Variants in KALRN observed in about 807,000 individuals in gnomAD.
KALRN encodes the protein kalirin.
Under a neutral mutation model 353.7 loss-of-function variants are expected in KALRN, and 70 were observed. The ratio of observed to expected loss-of-function variants is 0.20; its 90% confidence interval spans 0.16 to 0.24. The LOEUF (loss-of-function observed/expected upper bound fraction) is 0.24. Ranked by LOEUF, KALRN falls within the 10% of genes least tolerant of loss-of-function variation. The pLI is 1.00. For synonymous variants in KALRN, 1,391 were observed against 1,434.8 expected (o/e 0.97, Z 0.69); for missense variants, 2,791 against 3,756.7 (o/e 0.74, Z 6.72).
chr3:124,034,358 G>A lies in KALRN; in HGVS notation c.73+545G>A, dbSNP rs375698353. On this transcript the variant is annotated intron_variant, in intron 1 of 59. Coordinates refer to ENST00000682506, the MANE Select transcript of KALRN (RefSeq NM_001388419.1). ...CATCGGTCTCGCCTGGTGCGTGTGG[G>A]GAGCTGGTCCCTCTGACTTGAGAGG... is the stretch of plus-strand genomic sequence containing the variant. 3.9e-5 allele frequency among the ~76,000 whole-genome samples: 6 copies of A among 152,316 alleles called. No individual in the cohort carries two copies. The East Asian group carries it at 1.2e-3, about 29-fold the overall frequency.
chr3:124,312,224 G>A (rs1450700426), intron 6 of KALRN, among the ~76,000 whole-genome samples: 7 of 152,116 alleles, frequency 4.6e-5, no homozygotes, highest in African/African-American at 1.4e-4. Flanking sequence ...GCAGTGGGGC[G>A]ATCTCGGCTC....
chr3:124,438,820 C>T, intron 17 of KALRN, 68 bp from the exon 18 acceptor site: 1 of 1,436,616 alleles, frequency 7.0e-7, no homozygotes, highest in African/African-American at 1.4e-5. Context: ...CTTCTATAGG[C>T]TGAAGGTCCT....
chr3:124,332,765 T>G (rs1038128652), intron 8 of KALRN, among the ~76,000 whole-genome samples: 4 of 152,124 alleles, frequency 2.6e-5, no homozygotes, highest in African/African-American at 9.7e-5. Flanking sequence ...CTGCATGTTC[T>G]AGAAAAATGA....
chr3:124,163,298 A>G (rs184268439), intron 1 of KALRN: 29 of 152,404 alleles, frequency 1.9e-4, no homozygotes, highest in African/African-American at 6.5e-4. Context: ...TTTCCAACAG[A>G]TGGCTGGTCA....
intron 6 of KALRN, among the ~76,000 whole-genome samples, chr3:124,320,896 A>G (rs1358231997): frequency 6.6e-6 from 1 of 152,252 alleles, no homozygotes; most frequent in Admixed American, 6.5e-5. Flanking sequence ...TGGCTAGGGC[A>G]GCATTAACAG....
intron 34 of KALRN, among the ~76,000 whole-genome samples, chr3:124,630,332 A>G (rs2080618744): frequency 6.6e-6 from 1 of 152,118 alleles, no homozygotes; most frequent in African/African-American, 2.4e-5. Flanking sequence ...CCCCATATTC[A>G]GAGGGAGCCT....
At chr3:124,686,710 C>T (rs2061573424) in intron 51 of KALRN, among the ~76,000 whole-genome samples, 1 of 151,558 alleles carries the variant, frequency 6.6e-6, no homozygotes, top group African/African-American at 2.4e-5. Context: ...TCCATGGACT[C>T]CAAGGAACAG....
chr3:124,483,260 G>T (rs9830208), intron 28 of KALRN, among the ~76,000 whole-genome samples: 40,291 of 152,022 alleles, frequency 0.27, 6,454 homozygotes, highest in East Asian at 0.48. Context: ...AAATCAAGAG[G>T]CAGAGTCTTG....
At chr3:124,509,893 G>T (rs181013868) in intron 33 of KALRN, among the ~76,000 whole-genome samples, 3 of 152,194 alleles carry the variant, frequency 2.0e-5, no homozygotes. Flanking sequence ...TCAACCCAAA[G>T]GATATTAGAA....
chr3:124,036,130 C>T (rs935315431), intron 1 of KALRN, among the ~76,000 whole-genome samples: 2 of 152,092 alleles, frequency 1.3e-5, no homozygotes, highest in Non-Finnish European at 2.9e-5. Flanking sequence ...CTGTGTGTCA[C>T]AGGGGTTTCG....
chr3:124,187,027 G>A, intron 1 of KALRN, among the ~76,000 whole-genome samples: 1 of 152,166 alleles, frequency 6.6e-6, no homozygotes, highest in Middle Eastern at 3.2e-3. Context: ...GGGATATCTT[G>A]CTGAAAGACA....
Position 124,678,237 on chromosome 3 carries a change from T to C in KALRN, c.7241T>C (p.Val2414Ala). The C allele has an allele frequency of 1.9e-6, 3 of 1,614,080 alleles. No homozygotes were observed. Among genetic ancestry groups the C allele is most frequent in the Non-Finnish European group, 1.7e-6 (2 of 1,179,964 alleles). ...HTLRMRKRAE[V>A]ENTGKNEATG... ...CTACGCATGAGAAAGCGGGCGGAAG[T>C]GGAGAACACGGGTAAAAATGAAGCC... The change falls in exon 50 of 60, where the codon GTG becomes GCG. Residue 2414 changes from valine to alanine, a missense_variant. Physicochemically the swap from Val to Ala is moderately conservative, Grantham distance 64. Coordinates refer to ENST00000682506, the MANE Select transcript of KALRN (RefSeq NM_001388419.1).
intron 13 of KALRN, among the ~76,000 whole-genome samples, chr3:124,405,042 A>AAT (rs36000453): frequency 0.058 from 8,785 of 152,250 alleles, 601 homozygotes; most frequent in African/African-American, 0.16. Flanking sequence ...ACATTTTCTA[A>AAT]GTACCCCCAG....
chr3:124,106,073 G>A (rs899158935), intron 1 of KALRN, among the ~76,000 whole-genome samples: 2 of 152,178 alleles, frequency 1.3e-5, no homozygotes, highest in African/African-American at 4.8e-5. Context: ...AGTAACAGTT[G>A]AATTTGCAAT....
chr3:124,285,379 C>A (rs2075733868), intron 5 of KALRN, among the ~76,000 whole-genome samples: 1 of 152,000 alleles, frequency 6.6e-6, no homozygotes, highest in Non-Finnish European at 1.5e-5. Context: ...CCACATCTGG[C>A]TAATTAAATT....
intron 54 of KALRN, 43 bp from the exon 55 acceptor site, chr3:124,697,550 G>T: frequency 6.5e-7 from 1 of 1,535,456 alleles, no homozygotes; most frequent in Non-Finnish European, 8.7e-7. Context: ...AAAATGCCAA[G>T]TTCTGCAGAA....
chr3:124,275,980 G>A (rs1044441068), intron 5 of KALRN, among the ~76,000 whole-genome samples: 16 of 152,156 alleles, frequency 1.1e-4, no homozygotes, highest in African/African-American at 3.9e-4. Context: ...CAGCCCCAGA[G>A]AAAAGTGATT....
At chr3:124,458,101 C>T in intron 23 of KALRN, among the ~76,000 whole-genome samples, 1 of 151,916 alleles carries the variant, frequency 6.6e-6, no homozygotes, top group East Asian at 1.9e-4. Flanking sequence ...CATGGTGAAA[C>T]CCCGTCTCTA....
chr3:124,674,623 C>A lies in KALRN; in HGVS notation c.7193+9C>A, dbSNP rs2086937219. On this transcript the variant is annotated intron_variant, in intron 49 of 59. Coordinates refer to ENST00000682506, the MANE Select transcript of KALRN (RefSeq NM_001388419.1). Reference sequence around the variant, plus strand: ...AGTGACGGGAGCATCAAGTAAGTGCCTCGTTGGCTTCCCCGGGAGAGGAGT... The same window carrying A: ...AGTGACGGGAGCATCAAGTAAGTGCATCGTTGGCTTCCCCGGGAGAGGAGT... 5.7e-6 allele frequency: 9 copies of A among 1,569,244 alleles called. No individual in the cohort carries two copies. The highest frequency in any genetic ancestry group is 7.8e-6 in the Non-Finnish European group (9 of 1,154,986).
Sources: gnomAD v4.1 joint callset for allele counts (sites outside exome capture counted in the v4.1 genomes callset) on GRCh38, gnomAD v4.1.1 for gene constraint, MANE v1.5 for transcripts, NCBI Gene and HGNC (gene_info 2026-07-23, HGNC 2026-07-21) for gene names.